ANXA8: variants seen among roughly 807,000 people sequenced by gnomAD.
ANXA8 encodes VAC-beta.
A neutral mutation model predicts 26.8 loss-of-function variants in ANXA8; 9 were observed. That is an observed-to-expected ratio of 0.34 (90% CI 0.20 to 0.59). The LOEUF (loss-of-function observed/expected upper bound fraction) is 0.59. Among genes scored for constraint, ANXA8 ranks in the 20% least tolerant of loss-of-function variants. The pLI is 0.84. For synonymous variants in ANXA8, 39 were observed against 94.8 expected (o/e 0.41, Z 3.42); for missense variants, 83 against 238.5 (o/e 0.35, Z 4.29).
chr10:47,639,314 A>ATTTTTTTT, the ANXA8 span, among the ~76,000 whole-genome samples: 1 of 75,380 alleles, frequency 1.3e-5, no homozygotes, highest in African/African-American at 5.3e-5. Context: ...TATTATTATT[A>ATTTTTTTT]TTTTTTTTTT....
At chr10:47,567,012 GT>G in the ANXA8 span, among the ~76,000 whole-genome samples, 1 of 147,950 alleles carries the variant, frequency 6.8e-6, no homozygotes, top group East Asian at 2.0e-4. Flanking sequence ...TTAGGGTCCT[GT>G]TCCAGGTCCG....
chr10:47,472,521 CAG>C, intron 9 of ANXA8, among the ~76,000 whole-genome samples: 1 of 146,268 alleles, frequency 6.8e-6, no homozygotes, highest in East Asian at 2.3e-4. Flanking sequence ...GCTCTCAACC[CAG>C]AGACACCTCC....
At chr10:47,945,742 G>A in the ANXA8 span, among the ~76,000 whole-genome samples, 3 of 131,258 alleles carry the variant, frequency 2.3e-5, 1 homozygote, top group Non-Finnish European at 4.8e-5. Context: ...CATCCTCAAT[G>A]GTTAAGATGT....
chr10:47,639,733 A>AT, the ANXA8 span, among the ~76,000 whole-genome samples: 17 of 144,908 alleles, frequency 1.2e-4, no homozygotes, highest in South Asian at 4.3e-4. Flanking sequence ...ATTCAATGGT[A>AT]TTTTTTTTAT....
the ANXA8 span, among the ~76,000 whole-genome samples, chr10:47,894,855 C>T: frequency 6.6e-6 from 1 of 152,258 alleles, no homozygotes; most frequent in South Asian, 2.1e-4. Flanking sequence ...ACACGTGAAA[C>T]ACATGCCACT....
chr10:47,502,478 G>C, the ANXA8 span: 1 of 1,612,990 alleles, frequency 6.2e-7, no homozygotes, highest in Non-Finnish European at 8.5e-7. Context: ...GGTTTTGTCT[G>C]CCCCTGGCTG....
chr10:47,704,987 A>C, the ANXA8 span, among the ~76,000 whole-genome samples: 1 of 152,088 alleles, frequency 6.6e-6, no homozygotes, highest in Admixed American at 6.5e-5. Flanking sequence ...TAAGATTTCA[A>C]GGGCGCAGTG....
At chr10:47,594,199 T>G in the ANXA8 span, among the ~76,000 whole-genome samples, 1 of 150,898 alleles carries the variant, frequency 6.6e-6, no homozygotes, top group South Asian at 2.1e-4. Flanking sequence ...CAATGATCCT[T>G]AATAAACTCC....
At chr10:47,775,544 A>G in the ANXA8 span, among the ~76,000 whole-genome samples, 1 of 113,726 alleles carries the variant, frequency 8.8e-6, no homozygotes, top group Non-Finnish European at 1.8e-5. Context: ...GAGAGGTGCC[A>G]GTTCTGATGA....
the ANXA8 span, among the ~76,000 whole-genome samples, chr10:47,639,051 G>A: frequency 1.2e-4 from 18 of 150,312 alleles, no homozygotes; most frequent in Admixed American, 9.9e-4. Context: ...TTGGGGTATA[G>A]AAAAATGAGT....
the ANXA8 span, among the ~76,000 whole-genome samples, chr10:47,970,651 G>T: frequency 5.1e-3 from 779 of 151,460 alleles, 37 homozygotes; most frequent in Admixed American, 0.03. Context: ...GTAATGAAGT[G>T]TTCACATCTT....
chr10:47,502,359 C>G, the ANXA8 span: 4 of 1,608,416 alleles, frequency 2.5e-6, no homozygotes, highest in East Asian at 2.3e-5. Flanking sequence ...CCCGCAGCAG[C>G]TGCTGGCCCA....
At chr10:47,562,817 G>T in the ANXA8 span, among the ~76,000 whole-genome samples, 2 of 150,324 alleles carry the variant, frequency 1.3e-5, no homozygotes, top group Non-Finnish European at 2.9e-5. Context: ...GGCAGTGGGT[G>T]AGGAGAATAA....
chr10:47,743,285 T>C, the ANXA8 span, among the ~76,000 whole-genome samples: 32,546 of 65,184 alleles, frequency 0.5, 7,953 homozygotes, highest in South Asian at 0.64. Context: ...TATACACACA[T>C]ATATATATAC....
chr10:47,489,096 C>T (rs1430564979), upstream of ANXA8, among the ~76,000 whole-genome samples: 1 of 150,508 alleles, frequency 6.6e-6, no homozygotes, highest in South Asian at 2.1e-4. Flanking sequence ...AGGCTCACTG[C>T]AAGCTCTGCC....
At chr10:47,743,403 T>TGA in the ANXA8 span, among the ~76,000 whole-genome samples, 39 of 89,098 alleles carry the variant, frequency 4.4e-4, no homozygotes, top group South Asian at 1.6e-3. Flanking sequence ...TGTGTGTGTG[T>TGA]GTGAGAGAGA....
At chr10:47,664,549 C>T in the ANXA8 span, among the ~76,000 whole-genome samples, 1 of 150,718 alleles carries the variant, frequency 6.6e-6, no homozygotes, top group African/African-American at 2.5e-5. Flanking sequence ...GCCTGGGCTA[C>T]AAGAGTGAGA....
chr10:47,976,523 C>T, the ANXA8 span, among the ~76,000 whole-genome samples: 3 of 144,534 alleles, frequency 2.1e-5, no homozygotes, highest in Non-Finnish European at 4.6e-5. Context: ...GTCTGGACAA[C>T]ACAGAGACAA....
At chr10:47,982,223 T>A in the ANXA8 span, among the ~76,000 whole-genome samples, 1 of 149,328 alleles carries the variant, frequency 6.7e-6, no homozygotes, top group African/African-American at 2.4e-5. Flanking sequence ...CCAAGAGGTC[T>A]ATGATGCAGT....
Sources: gnomAD v4.1 joint callset for allele counts (sites outside exome capture counted in the v4.1 genomes callset) on GRCh38, gnomAD v4.1.1 for gene constraint, MANE v1.5 for transcripts, NCBI Gene and HGNC (gene_info 2026-07-23, HGNC 2026-07-21) for gene names.